Variants in LARGE1 observed in about 807,000 individuals in gnomAD.
LARGE1 encodes the protein LARGE xylosyl- and glucuronyltransferase 1.
In LARGE1, 43 loss-of-function variants were observed where a neutral mutation model predicts 87.6. That is an observed-to-expected ratio of 0.49 (90% confidence interval 0.38 to 0.63). The LOEUF is 0.63. Ranked by LOEUF, LARGE1 falls within the 30% of genes least tolerant of loss-of-function variation. The pLI is 0.00. For missense variants in LARGE1, 802 were observed against 1,000.2 expected (o/e 0.80, Z 2.67); for synonymous variants, 434 against 394.6 (o/e 1.10, Z -1.18).
At chr22:33,402,649 T>C (rs747789705) in intron 7 of LARGE1, among the ~76,000 whole-genome samples, 2 of 152,162 alleles carry the variant, frequency 1.3e-5, no homozygotes, top group Non-Finnish European at 2.9e-5. Flanking sequence ...GAGAATCAAA[T>C]AAGATAACGA....
intron 5 of LARGE1, among the ~76,000 whole-genome samples, chr22:33,566,800 C>G (rs2078041422): frequency 6.6e-6 from 1 of 152,146 alleles, no homozygotes; most frequent in Admixed American, 6.5e-5. Flanking sequence ...GTTTACAATC[C>G]TTTAGCTAGA....
intron 6 of LARGE1, among the ~76,000 whole-genome samples, chr22:33,541,078 G>GGTGGGGGGT (rs1569252354): frequency 1.6e-5 from 1 of 62,202 alleles, no homozygotes; most frequent in East Asian, 6.0e-4. Context: ...CGGGGGGCGG[G>GGTGGGGGGT]TTGCAGGGGG....
At chr22:33,477,721 G>A (rs908944426) in intron 6 of LARGE1, among the ~76,000 whole-genome samples, 3 of 152,172 alleles carry the variant, frequency 2.0e-5, no homozygotes, top group African/African-American at 7.2e-5. Flanking sequence ...CTATGACCCA[G>A]GAAAGTACTA....
chr22:33,300,234 C>T (rs1428338999), intron 12 of LARGE1, among the ~76,000 whole-genome samples: 1 of 152,180 alleles, frequency 6.6e-6, no homozygotes, highest in African/African-American at 2.4e-5. Flanking sequence ...TCTCTGGGGC[C>T]TCAGTTTGGT....
chr22:33,596,253 GCATT>G (rs1052190558), intron 5 of LARGE1, among the ~76,000 whole-genome samples: 16 of 152,172 alleles, frequency 1.1e-4, no homozygotes, highest in African/African-American at 3.9e-4. Context: ...ATTAGAGTTT[GCATT>G]CATTGTCTAA....
At chr22:33,600,770 G>A (rs1285623892) in intron 5 of LARGE1, among the ~76,000 whole-genome samples, 1 of 152,146 alleles carries the variant, frequency 6.6e-6, no homozygotes, top group African/African-American at 2.4e-5. Context: ...GCCTCAGCCG[G>A]GGGCAGTGGC....
intron 2 of LARGE1, among the ~76,000 whole-genome samples, chr22:33,680,832 T>G (rs957631772): frequency 6.6e-6 from 1 of 152,008 alleles, no homozygotes; most frequent in Non-Finnish European, 1.5e-5. Flanking sequence ...CTGAAAAGAT[T>G]ATGTTGTGGG....
chr22:33,501,684 A>G (rs2070444258), intron 6 of LARGE1, among the ~76,000 whole-genome samples: 1 of 152,172 alleles, frequency 6.6e-6, no homozygotes, highest in African/African-American at 2.4e-5. Flanking sequence ...CCTGGCATCC[A>G]GATGGGGCGG....
At chr22:33,124,737 C>T in the LARGE1 span, among the ~76,000 whole-genome samples, 2 of 152,178 alleles carry the variant, frequency 1.3e-5, no homozygotes. Context: ...CGTGGTGGCT[C>T]ACACCTGTGA....
rs56192894 is a variant in LARGE1, at chr22:33,728,576, A to AAAAAAAAAAC, written c.106+32794_106+32795insGTTTTTTTTT. Among the ~76,000 whole-genome samples the AAAAAAAAAAC allele has an allele frequency of 1.2e-3, 122 of 103,760 alleles. 21 individuals carry two copies. Among genetic ancestry groups the AAAAAAAAAAC allele is most frequent in the Middle Eastern group, 5.6e-3 (1 of 178 alleles). The allele number at this position is 103,760 out of a possible 152,430, so 68.1% of individuals were successfully genotyped here. On this transcript the variant is annotated intron_variant, in intron 2 of 14. Transcript: ENST00000397394. ...CAAAAAAAAAAAAAAAAAAAAAAAA[A>AAAAAAAAAAC]AAACCAACAACAGAGACACATTTCC...
intron 1 of LARGE1, among the ~76,000 whole-genome samples, chr22:33,882,297 T>C (rs980489939): frequency 6.6e-6 from 1 of 152,204 alleles, no homozygotes; most frequent in Non-Finnish European, 1.5e-5. Context: ...CCCCAAGTGC[T>C]GGGATTACAG....
At chr22:33,611,540 T>G (rs1041142035) in intron 4 of LARGE1, among the ~76,000 whole-genome samples, 1 of 152,222 alleles carries the variant, frequency 6.6e-6, no homozygotes, top group Non-Finnish European at 1.5e-5. Flanking sequence ...CACCATTGCA[T>G]CTTGGAAGTA....
At position 33,262,847 on chromosome 22, in the gene LARGE1, CCTTT is replaced by C. The variant is rs529201282; in HGVS notation, c.1730+41378_1730+41381del. 1.2e-3 allele frequency among the ~76,000 whole-genome samples: 176 copies of C among 150,768 alleles called. No homozygotes were observed. The South Asian group carries it at 0.013, about 11-fold the overall frequency. ...GACTTCCTTCCTTCACTCCCTCCCT[CCTTT>C]CTTTTTCTTTCTTCCCTCCCCTCCC... On this transcript the variant is annotated intron_variant, in intron 11 of 11. Coordinates refer to the LARGE1 transcript ENST00000608642.
Position 33,359,802 on chromosome 22 carries a change from G to T in LARGE1, c.1132-22001C>A, listed in dbSNP as rs974036478. 2.7e-5 allele frequency among the ~76,000 whole-genome samples: 4 copies of T among 149,032 alleles called. 1 individual carries two copies. The highest frequency in any genetic ancestry group is 6.0e-5 in the Non-Finnish European group (4 of 66,940). On this transcript the variant is annotated intron_variant, in intron 9 of 14. Transcript: ENST00000397394. ...GATGGTCTCGATCTCCTGACCTTGT[G>T]ATCTGCCCGCCTCGGCCTCCCAAAG... is the stretch of plus-strand genomic sequence containing the variant.
At chr22:33,717,279 C>T (rs1030371699) in intron 2 of LARGE1, among the ~76,000 whole-genome samples, 1 of 152,164 alleles carries the variant, frequency 6.6e-6, no homozygotes, top group African/African-American at 2.4e-5. Context: ...TCCAACGAAA[C>T]CAGGCTCTAG....
At chr22:33,616,157 A>G (rs1274474345) in intron 4 of LARGE1, among the ~76,000 whole-genome samples, 1 of 152,192 alleles carries the variant, frequency 6.6e-6, no homozygotes, top group Non-Finnish European at 1.5e-5. Context: ...ATATGAAAAC[A>G]GATGTCAACA....
At chr22:33,576,744 TA>T (rs66700866) in intron 5 of LARGE1, among the ~76,000 whole-genome samples, 1 of 152,228 alleles carries the variant, frequency 6.6e-6, no homozygotes, top group Non-Finnish European at 1.5e-5. Flanking sequence ...CTGATGTAAA[TA>T]AGTGTAGTAT....
intron 2 of LARGE1, among the ~76,000 whole-genome samples, chr22:33,746,710 T>C (rs2084099594): frequency 6.6e-6 from 1 of 152,180 alleles, no homozygotes; most frequent in Admixed American, 6.5e-5. Flanking sequence ...AGGCACTTGG[T>C]GTGAAAACTA....
At chr22:33,144,831 A>G in the LARGE1 span, among the ~76,000 whole-genome samples, 3 of 152,218 alleles carry the variant, frequency 2.0e-5, no homozygotes, top group Non-Finnish European at 4.4e-5. Flanking sequence ...CAAATGCTCA[A>G]TCATCATAAG....
Sources: allele counts gnomAD v4.1 joint callset (sites outside exome capture counted in the v4.1 genomes callset), GRCh38; gene constraint gnomAD v4.1.1; transcripts MANE v1.5; gene names NCBI Gene and HGNC (gene_info 2026-07-23, HGNC 2026-07-21).